The following PLAAT1 variants were observed in gnomAD, a reference collection of about 807,000 sequenced individuals.
The protein encoded by PLAAT1 is phospholipase A and acyltransferase 1, also known as H-REV107 protein-related protein.
Under a neutral mutation model 16.4 loss-of-function variants are expected in PLAAT1, and 13 were observed. That is an observed-to-expected ratio of 0.79 (90% confidence interval 0.52 to 1.26). PLAAT1 has a LOEUF of 1.26. Ranked by LOEUF, PLAAT1 falls within the 50% of genes most tolerant of loss-of-function variation. The pLI, the probability that PLAAT1 is intolerant of heterozygous loss-of-function variation, is 0.00. For missense variants in PLAAT1, 218 were observed against 207.8 expected (o/e 1.05, Z -0.30); for synonymous variants, 73 against 78.4 (o/e 0.93, Z 0.36).
At chr3:193,281,165 C>T (rs142805065), downstream of PLAAT1, 387 of 984,936 alleles carry the variant, frequency 3.9e-4, no homozygotes, top group Non-Finnish European at 4.4e-4. Flanking sequence ...CAGGAAATAG[C>T]TGTGTGGATT....
At chr3:193,241,112 G>C (rs1715710569), upstream of PLAAT1, 1 of 881,192 alleles carries the variant, frequency 1.1e-6, no homozygotes, top group Admixed American at 6.5e-5. Context: ...AGAAGGTGCA[G>C]TTCCCCGGCG....
chr3:193,265,684 A>C (rs769258729), intron 3 of PLAAT1, among the ~76,000 whole-genome samples: 1 of 152,180 alleles, frequency 6.6e-6, no homozygotes, highest in East Asian at 1.9e-4. Flanking sequence ...AAAATGGGAG[A>C]TAGAACATAA....
upstream of PLAAT1, chr3:193,241,115 C>A (rs1715710874): frequency 2.4e-6 from 2 of 840,518 alleles, no homozygotes; most frequent in African/African-American, 3.6e-5. Context: ...AGGTGCAGTT[C>A]CCCGGCGGGC....
chr3:193,257,406 A>G (rs778280225), intron 2 of PLAAT1, among the ~76,000 whole-genome samples: 5 of 152,194 alleles, frequency 3.3e-5, no homozygotes, highest in Non-Finnish European at 7.3e-5. Flanking sequence ...GTTTTATTGC[A>G]GGGAAGATGG....
chr3:193,241,266 A>C lies in PLAAT1; in HGVS notation c.-268A>C, dbSNP rs894899836. 1 of 1,228,624 alleles carries C rather than the reference A, an allele frequency of 8.1e-7. No individual in the cohort carries two copies. The highest frequency in any genetic ancestry group is 1.0e-6 in the Non-Finnish European group (1 of 986,064). 76.1% of individuals were successfully genotyped at this position (1,228,624 alleles called of 1,614,324 possible). On this transcript the variant is annotated 5_prime_UTR_variant, in exon 1 of 4. Coordinates refer to ENST00000264735, the MANE Select transcript of PLAAT1 (RefSeq NM_020386.5). ...TCGGCAGCGCCCGGACGCCGAGCCC[A>C]GCGCGTCGGCCCCCCGGCGTGCGGG...
At position 193,255,758 on chromosome 3, in the gene PLAAT1, T is replaced by C; in HGVS notation, c.108T>C (p.Gly36=). 6.2e-7 allele frequency: 1 copy of C among 1,610,016 alleles called. No homozygotes were observed. The highest frequency in any genetic ancestry group is 8.5e-7 in the Non-Finnish European group (1 of 1,177,610). The change falls in exon 2 of 4, where the codon GGT becomes GGC. Residue 36 remains glycine (G), a synonymous_variant. Coordinates refer to ENST00000264735, the MANE Select transcript of PLAAT1 (RefSeq NM_020386.5). ...PGYQHWALYL[G]DGYVINIAPV... The stretch of plus-strand genomic sequence containing the variant: ...ATCAGCACTGGGCCCTGTACTTGGG[T>C]GATGGTTACGTTATCAACATAGCAC...
chr3:193,266,009 G>T lies in PLAAT1; in HGVS notation c.405+2774G>T, dbSNP rs115882803. Among the ~76,000 whole-genome samples, 493 of 152,258 alleles carry T rather than the reference G, an allele frequency of 3.2e-3. 4 individuals carry two copies. Among genetic ancestry groups the T allele is most frequent in the African/African-American group, 0.011 (456 of 41,574 alleles). On this transcript the variant is annotated intron_variant, in intron 3 of 3. Coordinates refer to ENST00000264735, the MANE Select transcript of PLAAT1 (RefSeq NM_020386.5). ...TCAAAGGGTAGAAAATTTCAGTTACGCAAGACAAGTTCTGAAGATGTGCTG... is the reference window on the plus strand; with the variant it reads ...TCAAAGGGTAGAAAATTTCAGTTACTCAAGACAAGTTCTGAAGATGTGCTG...
At chr3:193,267,193 C>G (rs1417350497) in intron 3 of PLAAT1, among the ~76,000 whole-genome samples, 3 of 152,060 alleles carry the variant, frequency 2.0e-5, no homozygotes, top group Non-Finnish European at 4.4e-5. Context: ...AATTGATGAA[C>G]CAACATTAAT....
At chr3:193,257,621 T>G (rs1172413665) in intron 2 of PLAAT1, among the ~76,000 whole-genome samples, 1 of 152,204 alleles carries the variant, frequency 6.6e-6, no homozygotes, top group Non-Finnish European at 1.5e-5. Flanking sequence ...CGATGAGTGA[T>G]GCTTAATATC....
chr3:193,241,411 G>T lies in PLAAT1; in HGVS notation c.-123G>T. 8.1e-7 allele frequency: 1 copy of T among 1,231,844 alleles called. No individual in the cohort carries two copies. Among genetic ancestry groups the T allele is most frequent in the Non-Finnish European group, 1.0e-6 (1 of 988,070 alleles). The allele number at this position is 1,231,844 out of a possible 1,614,324, so 76.3% of individuals were successfully genotyped here. On this transcript the variant is annotated 5_prime_UTR_variant, in exon 1 of 4. Transcript: ENST00000264735. Reference sequence around the variant, plus strand: ...GCGCCTGCCTCCCGGGTGTCTCCCGGGTACAGATGGAGTCGTCCCGCGGCC... The same window carrying T: ...GCGCCTGCCTCCCGGGTGTCTCCCGTGTACAGATGGAGTCGTCCCGCGGCC...
Position 193,241,479 on chromosome 3 carries a change from A to G in PLAAT1, c.-55A>G. On this transcript the variant is annotated 5_prime_UTR_variant, in exon 1 of 4. Coordinates refer to ENST00000264735, the MANE Select transcript of PLAAT1 (RefSeq NM_020386.5). Reference sequence around the variant, plus strand: ...CAGCTGCGAGGCCAAGAGAGACCCCAGGACACACACAGCTGCCTCCCGGTG... The same window carrying G: ...CAGCTGCGAGGCCAAGAGAGACCCCGGGACACACACAGCTGCCTCCCGGTG... 8.1e-7 allele frequency: 1 copy of G among 1,231,990 alleles called. No individual in the cohort carries two copies. The highest frequency in any genetic ancestry group is 3.2e-5 in the East Asian group (1 of 31,686). The allele number at this position is 1,231,990 out of a possible 1,614,324, so 76.3% of individuals were successfully genotyped here. A position where few individuals can be genotyped will look rare whatever the true frequency, so the allele number is the denominator to read the frequency against.
At chr3:193,281,138 G>C, downstream of PLAAT1, 1 of 975,964 alleles carries the variant, frequency 1.0e-6, no homozygotes, top group African/African-American at 1.7e-5. Flanking sequence ...AATCTAAATG[G>C]CTTGGTGATA....
At chr3:193,265,762 A>G (rs748191878) in intron 3 of PLAAT1, among the ~76,000 whole-genome samples, 4 of 151,428 alleles carry the variant, frequency 2.6e-5, no homozygotes, top group Non-Finnish European at 5.9e-5. Flanking sequence ...ATGTATTAAC[A>G]TAATGAATGT....
chr3:193,270,695 A>C lies in PLAAT1; in HGVS notation c.497A>C (p.Lys166Thr). The C allele has an allele frequency of 1.2e-6, 2 of 1,613,060 alleles. No individual in the cohort carries two copies. Among genetic ancestry groups the C allele is most frequent in the Non-Finnish European group, 1.7e-6 (2 of 1,179,392 alleles). ...LGLFPKGQRA[K>T]YY is the part of the protein sequence containing the mutation. Reference sequence around the variant, plus strand: ...TTGTTTCCAAAAGGACAAAGAGCAAAATACTATTAACAATTTACCAAAGAG... The same window carrying C: ...TTGTTTCCAAAAGGACAAAGAGCAACATACTATTAACAATTTACCAAAGAG... Residue 166 changes from lysine (K) to threonine (T), a missense_variant, in exon 4 of 4, where the codon AAA becomes ACA. Coordinates refer to ENST00000264735, the MANE Select transcript of PLAAT1 (RefSeq NM_020386.5).
chr3:193,263,339 A>G (rs1716661089), intron 3 of PLAAT1, 104 bp downstream of exon 3: 1 of 1,086,514 alleles, frequency 9.2e-7, no homozygotes, highest in Non-Finnish European at 1.3e-6. Context: ...AGAAAATACG[A>G]GAATACTGAA....
intron 1 of PLAAT1, among the ~76,000 whole-genome samples, chr3:193,242,289 A>G (rs941983540): frequency 3.3e-5 from 5 of 152,114 alleles, no homozygotes; most frequent in African/African-American, 1.2e-4. Flanking sequence ...ACAATTTCCC[A>G]GAGACCAGTA....
At chr3:193,251,225 G>A (rs1716182419) in intron 1 of PLAAT1, among the ~76,000 whole-genome samples, 1 of 152,130 alleles carries the variant, frequency 6.6e-6, no homozygotes. Context: ...AAGAAAGCAT[G>A]TTCTTGCTGG....
chr3:193,251,701 G>A (rs976259161), intron 1 of PLAAT1, among the ~76,000 whole-genome samples: 1 of 152,156 alleles, frequency 6.6e-6, no homozygotes, highest in African/African-American at 2.4e-5. Flanking sequence ...AAGGCTCTGT[G>A]CATAGGGTGG....
At chr3:193,273,894 C>T (rs1199702929), downstream of PLAAT1, among the ~76,000 whole-genome samples, 1 of 151,962 alleles carries the variant, frequency 6.6e-6, no homozygotes, top group African/African-American at 2.4e-5. Flanking sequence ...AATATAAGTC[C>T]CTTTTCTAGC....
Sources: allele counts gnomAD v4.1 joint callset (sites outside exome capture counted in the v4.1 genomes callset), GRCh38; gene constraint gnomAD v4.1.1; transcripts MANE v1.5; gene names NCBI Gene and HGNC (gene_info 2026-07-23, HGNC 2026-07-21).